The following HACE1 variants were observed in gnomAD, a reference collection of about 807,000 sequenced individuals.
The protein encoded by HACE1 is HECT domain and ankyrin repeat containing E3 ubiquitin protein ligase 1, also known as E3 ubiquitin-protein ligase HACE1.
Under a neutral mutation model 118.4 loss-of-function variants are expected in HACE1, and 73 were observed. The ratio of observed to expected loss-of-function variants is 0.62; its 90% CI spans 0.51 to 0.75. HACE1 has a LOEUF of 0.75. HACE1 is among the 30% of genes least tolerant of loss of function. HACE1 has a pLI of 0.00. For missense variants in HACE1, 749 were observed against 1,102.2 expected (o/e 0.68, Z 4.54); for synonymous variants, 368 against 374.8 (o/e 0.98, Z 0.21).
rs141133900 is a variant in HACE1 at position 104,825,325 on chromosome 6, T to C, written c.534+7717A>G. ...ACCTCTTTGCGAGGCAGATGGGAAA[T>C]TGAAAGTACCACTGATTGGTTGTAA... On this transcript the variant is annotated intron_variant, in intron 6 of 23. Transcript: ENST00000262903. Among the ~76,000 whole-genome samples the C allele has an allele frequency of 3.6e-3, 555 of 152,114 alleles. 1 individual carries two copies. Among genetic ancestry groups the C allele is most frequent in the Non-Finnish European group, 5.7e-3 (390 of 67,980 alleles).
intron 4 of HACE1, among the ~76,000 whole-genome samples, chr6:104,846,885 A>C (rs1231676199): frequency 6.6e-6 from 1 of 152,258 alleles, no homozygotes; most frequent in African/African-American, 2.4e-5. Flanking sequence ...TTAAGTATTG[A>C]ATATCAAGAG....
intron 7 of HACE1, among the ~76,000 whole-genome samples, chr6:104,810,936 T>C (rs1487583717): frequency 6.6e-6 from 1 of 152,040 alleles, no homozygotes; most frequent in Non-Finnish European, 1.5e-5. Context: ...CAGTAAACGA[T>C]GGGAATTACC....
At chr6:104,731,214 T>C (rs181281003) in intron 22 of HACE1, 7 of 152,204 alleles carry the variant, frequency 4.6e-5, no homozygotes, top group African/African-American at 1.7e-4. Flanking sequence ...AAAAATTCTA[T>C]TGCTTTTAAA....
intron 6 of HACE1, among the ~76,000 whole-genome samples, chr6:104,823,510 T>A (rs76722137): frequency 2.2e-3 from 331 of 151,702 alleles, no homozygotes; most frequent in African/African-American, 7.7e-3. Flanking sequence ...TTCTATTTTT[T>A]TAAAAAAAAC....
Position 104,859,841 on chromosome 6 carries a change from G to A in HACE1, c.-199C>T. On this transcript the variant is annotated 5_prime_UTR_variant, in exon 1 of 24. Transcript: ENST00000262903. ...GCTGCTGCCGGACCGACCACCTACA[G>A]TACACCCGCCGCCGCCTCTGCTCGC... The A allele has an allele frequency of 1.9e-6, 1 of 520,830 alleles. No homozygotes were observed. The highest frequency in any genetic ancestry group is 4.3e-5 in the Admixed American group (1 of 23,402). The allele number at this position is 520,830 out of a possible 1,614,324, so 32.3% of individuals were successfully genotyped here.
chr6:104,834,733 A>G (rs540132935), intron 5 of HACE1, among the ~76,000 whole-genome samples: 1 of 152,368 alleles, frequency 6.6e-6, no homozygotes, highest in East Asian at 1.9e-4. Flanking sequence ...ATGCTACACC[A>G]GTATTAGAGA....
intron 22 of HACE1, among the ~76,000 whole-genome samples, chr6:104,743,869 AC>A (rs1777114412): frequency 6.6e-6 from 1 of 152,060 alleles, no homozygotes; most frequent in Non-Finnish European, 1.5e-5. Flanking sequence ...AAATTTGGCT[AC>A]TATCATTGAC....
intron 17 of HACE1, among the ~76,000 whole-genome samples, chr6:104,775,028 A>T (rs1310288426): frequency 3.3e-5 from 5 of 152,120 alleles, no homozygotes. Flanking sequence ...GGAGACTGAT[A>T]TGGCTTACAA....
intron 22 of HACE1, 185 bp from the exon 23 acceptor site, chr6:104,730,601 A>G (rs1276262712): frequency 1.7e-6 from 1 of 586,230 alleles, no homozygotes; most frequent in Non-Finnish European, 3.1e-6. Context: ...GCAAGCTTCC[A>G]TGGAGACACC....
At chr6:104,833,496 G>C (rs1178543287) in intron 5 of HACE1, among the ~76,000 whole-genome samples, 1 of 152,088 alleles carries the variant, frequency 6.6e-6, no homozygotes, top group Non-Finnish European at 1.5e-5. Context: ...GGTTTTATAT[G>C]AGGAAAACTT....
At chr6:104,751,056 T>C (rs907117521) in intron 19 of HACE1, among the ~76,000 whole-genome samples, 1 of 152,206 alleles carries the variant, frequency 6.6e-6, no homozygotes, top group Non-Finnish European at 1.5e-5. Context: ...CCTTGCTCTC[T>C]GATCTCACTT....
At chr6:104,807,258 GT>G (rs527297479) in intron 7 of HACE1, among the ~76,000 whole-genome samples, 23 of 152,064 alleles carry the variant, frequency 1.5e-4, no homozygotes, top group African/African-American at 5.5e-4. Flanking sequence ...TCTTGACCTC[GT>G]GATCCACCCG....
chr6:104,760,898 C>T (rs1779281882), intron 19 of HACE1, among the ~76,000 whole-genome samples: 1 of 151,998 alleles, frequency 6.6e-6, no homozygotes, highest in Non-Finnish European at 1.5e-5. Flanking sequence ...TCCTATACAC[C>T]AATAAGAGAC....
chr6:104,797,061 T>G (rs1290039537), intron 7 of HACE1, 36 bp from the exon 8 acceptor site: 2 of 1,125,544 alleles, frequency 1.8e-6, no homozygotes, highest in African/African-American at 3.0e-5. Context: ...AAATACAATC[T>G]TTTTAAAGTC....
intron 7 of HACE1, among the ~76,000 whole-genome samples, chr6:104,807,077 G>C (rs1771092040): frequency 6.7e-6 from 1 of 148,248 alleles, no homozygotes; most frequent in Non-Finnish European, 1.5e-5. Flanking sequence ...AGGCTGGAGT[G>C]CAGTGGTGCA....
In HACE1 at chr6:104,769,034, AT is replaced by A. The variant is rs199755638; in HGVS notation, c.2211+2158del. On this transcript the variant is annotated intron_variant, in intron 19 of 23. Coordinates refer to ENST00000262903, the MANE Select transcript of HACE1 (RefSeq NM_020771.4). ...ATAAATATAGATATACCTCATACAC[AT>A]TTTTTTTTCTTTTTTAAGTGATAGG... Among the ~76,000 whole-genome samples, 143 of 151,048 alleles carry A rather than the reference AT, an allele frequency of 9.5e-4. 1 individual carries two copies. Among genetic ancestry groups the A allele is most frequent in the Non-Finnish European group, 5.0e-4 (34 of 67,650 alleles).
At position 104,796,931 on chromosome 6, in the gene HACE1, G is replaced by T. The variant is rs1342098819; in HGVS notation, c.712C>A (p.Gln238Lys). 12 of 1,515,668 alleles carry T rather than the reference G, an allele frequency of 7.9e-6. No homozygotes were observed. The highest frequency in any genetic ancestry group is 1.1e-5 in the Non-Finnish European group (12 of 1,090,500). 93.9% of individuals were successfully genotyped at this position (1,515,668 alleles called of 1,614,324 possible). ...CAGAATATAAATGAAAAACACACCT[G>T]TACACATAAATCCAGAGGAGTTACT... ...NGVTPLDLCV[Q>K]GGYGETCEVL... The change falls in exon 8 of 24, where the codon CAG becomes AAG. Residue 238 changes from glutamine to lysine, a missense_variant and splice_region_variant. By Grantham distance (53) the Gln-to-Lys change is moderately conservative (BLOSUM62 1). Coordinates refer to ENST00000262903, the MANE Select transcript of HACE1 (RefSeq NM_020771.4).
intron 1 of HACE1, 132 bp from the exon 2 acceptor site, chr6:104,852,503 C>G: frequency 4.7e-6 from 3 of 640,858 alleles, no homozygotes; most frequent in Non-Finnish European, 8.5e-6. Flanking sequence ...AAGAATAATG[C>G]AGAATACCAG....
chr6:104,771,925 C>A lies in HACE1; in HGVS notation c.2014G>T (p.Gly672Cys). The A allele has an allele frequency of 6.3e-7, 1 of 1,591,012 alleles. No homozygotes were observed. The highest frequency in any genetic ancestry group is 8.6e-7 in the Non-Finnish European group (1 of 1,159,772). Residue 672 changes from glycine (G) to cysteine (C), a missense_variant and splice_region_variant, in exon 18 of 24, where the codon GGT becomes TGT. This residue lies in a region of HACE1 where 195 missense variants were observed against 322.1 expected (regional missense o/e 0.61). Coordinates refer to ENST00000262903, the MANE Select transcript of HACE1 (RefSeq NM_020771.4). ...FTRSFYKHIL[G>C]IPVNYQDVAS... ...TGCAGAAATAATAATAGAGCCATACCAAGAATGTGCTTGTAGAAGGATCGT... is the reference window on the plus strand; with the variant it reads ...TGCAGAAATAATAATAGAGCCATACAAAGAATGTGCTTGTAGAAGGATCGT...
Sources: gnomAD v4.1 joint callset for allele counts (sites outside exome capture counted in the v4.1 genomes callset) on GRCh38, gnomAD v4.1.1 for gene constraint, gnomAD v4.1.1 regional missense constraint, MANE v1.5 for transcripts, NCBI Gene and HGNC (gene_info 2026-07-23, HGNC 2026-07-21) for gene names.